Variants in KAT6B observed in about 807,000 individuals in gnomAD.
KAT6B encodes histone acetyltransferase KAT6B.
Under a neutral mutation model 187.5 loss-of-function variants are expected in KAT6B, and 10 were observed. That is an observed-to-expected ratio of 0.05 (90% CI 0.03 to 0.09). The LOEUF (loss-of-function observed/expected upper bound fraction) is 0.09. Ranked by LOEUF, KAT6B falls within the 10% of genes least tolerant of loss-of-function variation. The pLI is 1.00. For missense variants in KAT6B, 1,952 were observed against 2,558.9 expected (o/e 0.76, Z 5.12); for synonymous variants, 861 against 926.8 (o/e 0.93, Z 1.29).
chr10:75,021,120 T>A lies in KAT6B; in HGVS notation c.2862-6T>A. On this transcript the variant is annotated splice_region_variant and splice_polypyrimidine_tract_variant and intron_variant, in intron 14 of 17. Transcript: ENST00000287239. ...TTACATCTTGTTCTGCCTTATCACA[T>A]TACAGATTTGTCATCATTAGACGGG... The A allele has an allele frequency of 6.2e-7, 1 of 1,613,642 alleles. No individual in the cohort carries two copies. The highest frequency in any genetic ancestry group is 8.5e-7 in the Non-Finnish European group (1 of 1,179,554).
intron 1 of KAT6B, among the ~76,000 whole-genome samples, chr10:74,828,461 T>G (rs986194259): frequency 1.1e-4 from 17 of 151,622 alleles, no homozygotes; most frequent in South Asian, 2.1e-4. Flanking sequence ...TTTTGTGTTT[T>G]TTTTTTTTTA....
At chr10:74,895,800 C>T (rs774831073) in intron 3 of KAT6B, among the ~76,000 whole-genome samples, 3 of 152,078 alleles carry the variant, frequency 2.0e-5, no homozygotes, top group Non-Finnish European at 4.4e-5. Flanking sequence ...AGGCATGAGC[C>T]ACCATGCCTG....
intron 3 of KAT6B, among the ~76,000 whole-genome samples, chr10:74,883,779 C>T (rs1845038306): frequency 6.6e-6 from 1 of 152,160 alleles, no homozygotes; most frequent in South Asian, 2.1e-4. Flanking sequence ...TGCCCCCAGG[C>T]CTACCCTTCT....
chr10:74,884,612 A>C (rs774158336), intron 3 of KAT6B, among the ~76,000 whole-genome samples: 1 of 151,976 alleles, frequency 6.6e-6, no homozygotes, highest in Non-Finnish European at 1.5e-5. Flanking sequence ...TCTGTTGCCC[A>C]GGCTGGAGTG....
intron 3 of KAT6B, among the ~76,000 whole-genome samples, chr10:74,851,688 T>C (rs977239336): frequency 1.3e-5 from 2 of 152,186 alleles, no homozygotes; most frequent in African/African-American, 4.8e-5. Flanking sequence ...AAGACAAACG[T>C]AGGACCCTTG....
intron 1 of KAT6B, among the ~76,000 whole-genome samples, chr10:74,835,896 C>T (rs1841265259): frequency 6.6e-6 from 1 of 152,108 alleles, no homozygotes; most frequent in South Asian, 2.1e-4. Context: ...TTAGTACATT[C>T]AGTGTTGTGT....
intron 13 of KAT6B, among the ~76,000 whole-genome samples, chr10:74,992,166 G>A (rs540185444): frequency 1.2e-4 from 19 of 152,264 alleles, no homozygotes; most frequent in African/African-American, 4.6e-4. Flanking sequence ...TAAGTCAAAT[G>A]AGGTTGTAAA....
At chr10:74,973,847 T>C (rs544074512) in intron 7 of KAT6B, among the ~76,000 whole-genome samples, 9 of 152,262 alleles carry the variant, frequency 5.9e-5, no homozygotes, top group African/African-American at 1.9e-4. Flanking sequence ...TAAGCATTGT[T>C]CCCAACATGG....
chr10:75,006,453 T>A (rs1844207380), intron 13 of KAT6B, among the ~76,000 whole-genome samples: 1 of 152,170 alleles, frequency 6.6e-6, no homozygotes, highest in Non-Finnish European at 1.5e-5. Context: ...ATTTTTTAAA[T>A]TTTTAAAAAT....
At chr10:75,024,760 ATTTGGAAAACACTTGCC>A (rs1845688542) in intron 16 of KAT6B, among the ~76,000 whole-genome samples, 181 bp from the exon 17 acceptor site, 1 of 152,202 alleles carries the variant, frequency 6.6e-6, no homozygotes, top group South Asian at 2.1e-4. Context: ...CAACTGTTTT[ATTTGGAAAACACTTGCC>A]TGTGTAGTTG....
At chr10:75,021,395 A>G (rs1422354367) in intron 15 of KAT6B, 110 bp downstream of exon 15, 1 of 1,010,434 alleles carries the variant, frequency 9.9e-7, no homozygotes, top group African/African-American at 1.6e-5. Context: ...TAGAGATAGC[A>G]TGTGAAATGA....
Position 75,013,498 on chromosome 10 carries a change from G to A in KAT6B, c.2630-7084G>A, listed in dbSNP as rs568991721. On this transcript the variant is annotated intron_variant, in intron 13 of 17. Transcript: ENST00000287239. ...TGGTTTTTAGGTTCCTCAGGCAAAA[G>A]TAGGAAAACAAAGTTAGCTTTTCTC... 3.9e-5 allele frequency among the ~76,000 whole-genome samples: 6 copies of A among 152,272 alleles called. No individual in the cohort carries two copies. The South Asian group carries it at 8.3e-4, about 21-fold the overall frequency.
intron 2 of KAT6B, among the ~76,000 whole-genome samples, chr10:74,841,053 A>T (rs1841710634): frequency 6.6e-6 from 1 of 152,268 alleles, no homozygotes; most frequent in South Asian, 2.1e-4. Context: ...TGATAACTAT[A>T]TATTGAATAT....
chr10:74,852,059 C>T (rs538247965), intron 3 of KAT6B, among the ~76,000 whole-genome samples: 15 of 152,256 alleles, frequency 9.9e-5, no homozygotes, highest in African/African-American at 3.6e-4. Context: ...AGAAGTCTCT[C>T]AGCCCTAGGG....
chr10:74,931,465 T>C (rs550818824), intron 3 of KAT6B, among the ~76,000 whole-genome samples: 14 of 152,312 alleles, frequency 9.2e-5, no homozygotes, highest in South Asian at 4.1e-4. Flanking sequence ...CTATTGATGA[T>C]TTTTGATCCA....
intron 3 of KAT6B, among the ~76,000 whole-genome samples, chr10:74,872,701 G>C (rs1275473694): frequency 6.8e-6 from 1 of 146,952 alleles, no homozygotes; most frequent in Non-Finnish European, 1.5e-5. Flanking sequence ...TTTTTTTGTA[G>C]AGAGGGGGTT....
intron 3 of KAT6B, among the ~76,000 whole-genome samples, chr10:74,911,407 T>C (rs2395122): frequency 0.28 from 43,158 of 151,704 alleles, 10,961 homozygotes; most frequent in African/African-American, 0.67. Context: ...GCTGGGATTA[T>C]AGTTGCCCAC....
At chr10:74,837,267 C>T (rs965752036) in intron 1 of KAT6B, among the ~76,000 whole-genome samples, 1 of 151,758 alleles carries the variant, frequency 6.6e-6, no homozygotes, top group Non-Finnish European at 1.5e-5. Flanking sequence ...ATTATAAGAC[C>T]GTATGATACA....
intron 3 of KAT6B, among the ~76,000 whole-genome samples, chr10:74,868,638 C>G (rs1843706768): frequency 6.6e-6 from 1 of 152,158 alleles, no homozygotes; most frequent in Non-Finnish European, 1.5e-5. Context: ...AGTTTAGTCA[C>G]CTGTTGGGCC....
Sources: gnomAD v4.1 joint callset for allele counts (sites outside exome capture counted in the v4.1 genomes callset) on GRCh38, gnomAD v4.1.1 for gene constraint, MANE v1.5 for transcripts, NCBI Gene and HGNC (gene_info 2026-07-23, HGNC 2026-07-21) for gene names.